SYNE1: variants seen among roughly 807,000 people sequenced by gnomAD.
SYNE1 encodes the protein spectrin repeat containing nuclear envelope protein 1, also known as nesprin-1.
SYNE1 carries 616 observed loss-of-function variants against 1,111.0 expected under a neutral mutation model. The ratio of observed to expected loss-of-function variants is 0.55; its 90% CI spans 0.52 to 0.59. The LOEUF (loss-of-function observed/expected upper bound fraction) is 0.59, where lower values mean the gene tolerates loss of function less well. Among genes scored for constraint, SYNE1 ranks in the 20% least tolerant of loss-of-function variants. The probability of loss-of-function intolerance (pLI) is 0.00; values close to 1 mark genes in which losing one functional copy is unlikely to be tolerated. For missense variants in SYNE1, 10,006 were observed against 10,417.0 expected, an observed-to-expected ratio of 0.96 and a Z score of 1.72; for synonymous variants, 3,855 against 3,825.8, an observed-to-expected ratio of 1.01 and a Z score of -0.28.
rs202166129 is a variant in SYNE1 at position 152,371,935 on chromosome 6, C to CAGGAA, written c.9507+1097_9507+1101dup. On this transcript the variant is annotated intron_variant, in intron 59 of 145. Coordinates refer to ENST00000367255, the MANE Select transcript of SYNE1 (RefSeq NM_182961.4). ...AAGGAAAGGAAAGGACAGGACAGGACAGGAAAGGAAAGGAAAGGAAAGGAA... is the reference window on the plus strand; with the variant it reads ...AAGGAAAGGAAAGGACAGGACAGGACAGGAAAGGAAAGGAAAGGAAAGGAAAGGAA... Among the ~76,000 whole-genome samples, 218 of 62,840 alleles carry CAGGAA rather than the reference C, an allele frequency of 3.5e-3. 16 individuals carry two copies. Among genetic ancestry groups the CAGGAA allele is most frequent in the African/African-American group, 9.7e-3 (156 of 16,154 alleles). The allele number at this position is 62,840 out of a possible 152,430, so 41.2% of individuals were successfully genotyped here. A position where few individuals can be genotyped will look rare whatever the true frequency, so the allele number is the denominator to read the frequency against.
At chr6:152,273,632 T>G (rs1484142174) in intron 98 of SYNE1, among the ~76,000 whole-genome samples, 1 of 152,222 alleles carries the variant, frequency 6.6e-6, no homozygotes, top group Non-Finnish European at 1.5e-5. Flanking sequence ...TATTTTAAAA[T>G]TTTAGATTTA....
At chr6:152,160,579 G>A (rs1586546326) in intron 131 of SYNE1, among the ~76,000 whole-genome samples, 1 of 152,108 alleles carries the variant, frequency 6.6e-6, no homozygotes, top group Admixed American at 6.5e-5. Flanking sequence ...ATAGTAGTAC[G>A]TAGCCTGTGT....
At chr6:152,177,471 C>T (rs1000864) in intron 129 of SYNE1, among the ~76,000 whole-genome samples, 41,217 of 151,978 alleles carry the variant, frequency 0.27, 5,924 homozygotes, top group South Asian at 0.38. Context: ...TATATGAAGA[C>T]GGGTATTATA....
chr6:152,134,364 T>C (rs1040835973), intron 142 of SYNE1: 2 of 152,320 alleles, frequency 1.3e-5, no homozygotes, highest in Non-Finnish European at 2.9e-5. Context: ...ATCTGATGTA[T>C]TTAATTCCTC....
chr6:152,560,034 G>T (rs1184947104), intron 3 of SYNE1, among the ~76,000 whole-genome samples: 1 of 151,950 alleles, frequency 6.6e-6, no homozygotes, highest in African/African-American at 2.4e-5. Flanking sequence ...TTCCAGACAC[G>T]TACAATCTAC....
At chr6:152,187,728 T>TGTGAGA (rs542612309) in intron 128 of SYNE1, among the ~76,000 whole-genome samples, 2 of 150,990 alleles carry the variant, frequency 1.3e-5, no homozygotes, top group African/African-American at 2.4e-5. Flanking sequence ...TTTGTGTGTG[T>TGTGAGA]GAGAGAGAGA....
intron 34 of SYNE1, 91 bp from the exon 35 acceptor site, chr6:152,430,800 C>G: frequency 8.1e-7 from 1 of 1,234,700 alleles, no homozygotes; most frequent in Non-Finnish European, 1.2e-6. Context: ...GGAATATTTT[C>G]TTAACTGATA....
In SYNE1 at chr6:152,130,722, G is replaced by T; in HGVS notation, c.26151C>A (p.Ser8717Arg). 1 of 1,614,168 alleles carries T rather than the reference G, an allele frequency of 6.2e-7. No homozygotes were observed. The highest frequency in any genetic ancestry group is 8.5e-7 in the Non-Finnish European group (1 of 1,180,016). ...QPGPSVSSPH[S>R]RSTKGGSDSS... ...TGGAAACCAGGAGAAGGAGGTACCT[G>T]CTATGTGGACTGCTGACAGAGGGTC... is the stretch of plus-strand genomic sequence containing the variant. Residue 8717 changes from serine (S) to arginine (R), a missense_variant and splice_region_variant, in exon 145 of 146, where the codon AGC (serine) becomes AGA (arginine). Around this residue, in one of 7 missense-constraint regions of SYNE1, gnomAD observed 761 missense variants for 795.5 expected, o/e 0.96. Transcript: ENST00000367255.
At chr6:152,522,523 G>A (rs766848107) in intron 5 of SYNE1, among the ~76,000 whole-genome samples, 3 of 151,978 alleles carry the variant, frequency 2.0e-5, no homozygotes, top group Admixed American at 6.6e-5. Context: ...ATAAATATCC[G>A]TGTGAGGTGT....
intron 3 of SYNE1, among the ~76,000 whole-genome samples, chr6:152,598,189 A>G (rs2099587162): frequency 6.6e-6 from 1 of 152,070 alleles, no homozygotes; most frequent in Non-Finnish European, 1.5e-5. Context: ...GTGGGAGGTA[A>G]TTGAATCATG....
intron 81 of SYNE1, 125 bp from the exon 82 acceptor site, chr6:152,323,862 G>A: frequency 1.7e-6 from 2 of 1,156,754 alleles, no homozygotes; most frequent in East Asian, 2.5e-5. Flanking sequence ...AATTCCACAT[G>A]TTAGGAAACT....
chr6:152,581,930 A>AT (rs1189351274), intron 3 of SYNE1, among the ~76,000 whole-genome samples: 1 of 152,166 alleles, frequency 6.6e-6, no homozygotes, highest in African/African-American at 2.4e-5. Flanking sequence ...GACTCTGATA[A>AT]TATCACTCCC....
chr6:152,459,078 C>G, intron 21 of SYNE1, 148 bp from the exon 22 acceptor site: 1 of 772,090 alleles, frequency 1.3e-6, no homozygotes, highest in Non-Finnish European at 2.2e-6. Context: ...AATGATATTT[C>G]CTCTATATTG....
At chr6:152,460,844 G>A (rs1223540326) in intron 21 of SYNE1, among the ~76,000 whole-genome samples, 9 of 110,336 alleles carry the variant, frequency 8.2e-5, no homozygotes, top group Admixed American at 7.0e-4. Context: ...AAAGAGTCTC[G>A]CCCTGTCACC....
chr6:152,337,050 C>T (rs756040196), intron 75 of SYNE1, 33 bp from the exon 76 acceptor site: 3 of 1,601,448 alleles, frequency 1.9e-6, no homozygotes, highest in Non-Finnish European at 2.6e-6. Flanking sequence ...AGTTAGCAAC[C>T]ATACATGGAA....
At chr6:152,356,449 T>C (rs1360590066) in intron 66 of SYNE1, among the ~76,000 whole-genome samples, 2 of 148,088 alleles carry the variant, frequency 1.4e-5, no homozygotes, top group African/African-American at 4.9e-5. Flanking sequence ...TTTAAATAAA[T>C]ATATATATAA....
chr6:152,391,630 G>A, intron 51 of SYNE1, 62 bp from the exon 52 acceptor site: 1 of 1,499,304 alleles, frequency 6.7e-7, no homozygotes, highest in Non-Finnish European at 8.8e-7. Flanking sequence ...GGAGTGCAGG[G>A]GAGTGACAAA....
intron 3 of SYNE1, among the ~76,000 whole-genome samples, chr6:152,565,622 T>C (rs1403204296): frequency 6.6e-6 from 1 of 151,966 alleles, no homozygotes; most frequent in African/African-American, 2.4e-5. Flanking sequence ...TAAACTTTAC[T>C]TCGCTTTAAA....
intron 110 of SYNE1, 105 bp downstream of exon 110, chr6:152,236,002 C>T: frequency 1.5e-6 from 2 of 1,310,454 alleles, no homozygotes; most frequent in Middle Eastern, 2.3e-4. Flanking sequence ...ATTGGCCACC[C>T]AAGTAATGAG....
Sources: allele counts gnomAD v4.1 joint callset (sites outside exome capture counted in the v4.1 genomes callset), GRCh38; gene constraint gnomAD v4.1.1; regional missense constraint gnomAD v4.1.1; transcripts MANE v1.5; gene names NCBI Gene and HGNC (gene_info 2026-07-23, HGNC 2026-07-21).